The following CYP4F11 variants were observed in gnomAD, a reference collection of about 807,000 sequenced individuals.
CYP4F11 encodes the protein cytochrome P450 family 4 subfamily F member 11, also known as cytochrome P450 4F11.
In CYP4F11, 79 loss-of-function variants were observed where a neutral mutation model predicts 62.2. The observed-to-expected ratio is 1.27, with a 90% CI of 1.06 to 1.53. The LOEUF (loss-of-function observed/expected upper bound fraction) is 1.53. CYP4F11 is among the 40% of genes most tolerant of loss of function. The pLI, the probability that CYP4F11 is intolerant of heterozygous loss-of-function variation, is 0.00. For missense variants in CYP4F11, 777 were observed against 680.5 expected (o/e 1.14, Z -1.58); for synonymous variants, 290 against 263.7 (o/e 1.10, Z -0.97).
chr19:15,917,336 G>A (rs1229026450), intron 8 of CYP4F11, among the ~76,000 whole-genome samples: 1 of 152,088 alleles, frequency 6.6e-6, no homozygotes, highest in Non-Finnish European at 1.5e-5. Context: ...CACTGTTTAG[G>A]AGACAGGTGC....
At chr19:15,926,964 T>G (rs754463172) in intron 4 of CYP4F11, among the ~76,000 whole-genome samples, 1 of 152,226 alleles carries the variant, frequency 6.6e-6, no homozygotes, top group Non-Finnish European at 1.5e-5. Flanking sequence ...TTTACTCTCT[T>G]GAGTTTGAAG....
intron 4 of CYP4F11, among the ~76,000 whole-genome samples, chr19:15,925,087 G>A (rs1237042853): frequency 6.6e-6 from 1 of 152,112 alleles, no homozygotes; most frequent in Non-Finnish European, 1.5e-5. Context: ...CGAGAGATCT[G>A]GGTTCAAGTC....
intron 10 of CYP4F11, 100 bp downstream of exon 10, chr19:15,914,502 T>G (rs12985248): frequency 0.44 from 678,833 of 1,543,590 alleles, 156,062 homozygotes; most frequent in Non-Finnish European, 0.47. Context: ...GTGTCTCCAT[T>G]GAGGAGAGGT....
At chr19:15,914,702 C>A (rs1461601119) in intron 9 of CYP4F11, 36 bp from the exon 10 acceptor site, 2 of 1,613,906 alleles carry the variant, frequency 1.2e-6, no homozygotes, top group Non-Finnish European at 1.7e-6. Flanking sequence ...GACAAGGCCC[C>A]CCTGCCTGAG....
chr19:15,914,381 C>G lies in CYP4F11; in HGVS notation c.1321G>C (p.Asp441His). 2 of 1,613,758 alleles carry G rather than the reference C, an allele frequency of 1.2e-6. No homozygotes were observed. The highest frequency in any genetic ancestry group is 1.7e-6 in the Non-Finnish European group (2 of 1,179,798). ...PTVWPDPEVY[D>H]PFRFDQENIK... ...TTCTCTTGGTCGAAACGGAAGGGGT[C>G]GTAGACCTGCAGGTGAGACCAAGAA... Residue 441 changes from aspartate (D) to histidine (H), a missense_variant, in exon 11 of 12, where the codon GAC (aspartate) becomes CAC (histidine). Transcript: ENST00000402119.
intron 1 of CYP4F11, among the ~76,000 whole-genome samples, chr19:15,930,981 T>C (rs1056845595): frequency 6.6e-6 from 1 of 152,254 alleles, no homozygotes. Context: ...GCCCATCAAT[T>C]TTGCCATTTA....
rs1277293395 is a variant in CYP4F11, at chr19:15,914,188, T to C, written c.1397+117A>G. On this transcript the variant is annotated intron_variant, in intron 11 of 11. Transcript: ENST00000402119. ...AACCCATTCTGTGAACAGTTGCCCATGAACTCCTGAGGAAGGGAGGGAAGG... is the reference window on the plus strand; with the variant it reads ...AACCCATTCTGTGAACAGTTGCCCACGAACTCCTGAGGAAGGGAGGGAAGG... The C allele has an allele frequency of 3.8e-6, 5 of 1,324,464 alleles. No individual in the cohort carries two copies. The African/African-American group carries it at 4.4e-5, about 12-fold the overall frequency. The allele number at this position is 1,324,464 out of a possible 1,614,324, so 82.0% of individuals were successfully genotyped here. A position where few individuals can be genotyped will look rare whatever the true frequency, so the allele number is the denominator to read the frequency against.
At position 15,912,668 on chromosome 19, in the gene CYP4F11, G is replaced by GAAAAAAATA; in HGVS notation, c.*1063_*1064insTATTTTTTT. On this transcript the variant is annotated 3_prime_UTR_variant, in exon 12 of 12. Coordinates refer to ENST00000402119, the MANE Select transcript of CYP4F11 (RefSeq NM_021187.4). ...AGTCAGGTACCTTCACCATCCTCAG[G>GAAAAAAATA]AAAAAAAAAAAAATATATATATATA... 1 of 59,768 alleles carries GAAAAAAATA rather than the reference G, an allele frequency of 1.7e-5. No homozygotes were observed. Among genetic ancestry groups the GAAAAAAATA allele is most frequent in the South Asian group, 6.3e-4 (1 of 1,580 alleles). The allele number at this position is 59,768 out of a possible 1,614,324, so 3.7% of individuals were successfully genotyped here.
At chr19:15,916,354 A>G (rs1236459321) in intron 8 of CYP4F11, among the ~76,000 whole-genome samples, 1 of 152,054 alleles carries the variant, frequency 6.6e-6, no homozygotes, top group Non-Finnish European at 1.5e-5. Flanking sequence ...GAGAAAAGCA[A>G]GTCGGCTTAG....
chr19:15,917,045 G>A (rs1187130646), intron 8 of CYP4F11, among the ~76,000 whole-genome samples: 3 of 152,088 alleles, frequency 2.0e-5, no homozygotes, highest in Non-Finnish European at 4.4e-5. Flanking sequence ...ACAAATGAGT[G>A]GATAAAGAAA....
In CYP4F11 at chr19:15,927,262, T is replaced by A; in HGVS notation, c.475A>T (p.Ile159Phe). 2 of 1,614,130 alleles carry A rather than the reference T, an allele frequency of 1.2e-6. No individual in the cohort carries two copies. Among genetic ancestry groups the A allele is most frequent in the Non-Finnish European group, 8.5e-7 (1 of 1,180,020 alleles). ...AAAATCTTCATATAAGGCTTCAAGA[T>A]GTTGAAATGGAAGGCAGGCGTCAAC... ...RMLTPAFHFN[I>F]LKPYMKIFNK... The change falls in exon 4 of 12, where the codon ATC (isoleucine) becomes TTC (phenylalanine). Residue 159 changes from isoleucine (I) to phenylalanine (F), a missense_variant. Ile to Phe is a conservative substitution (Grantham distance 21). Transcript: ENST00000402119.
chr19:15,922,691 T>G (rs528814769), intron 6 of CYP4F11, among the ~76,000 whole-genome samples: 1 of 152,180 alleles, frequency 6.6e-6, no homozygotes, highest in Non-Finnish European at 1.5e-5. Context: ...ATGAGGACTT[T>G]TGGAGTAAAG....
Position 15,923,878 on chromosome 19 carries a change from A to C in CYP4F11, c.852T>G (p.Asp284Glu), listed in dbSNP as rs148545369. ...ACTTTGCCTTGTTCTTGAGGAAATC[A>C]TCAATACCCTGAGTGGGGAGGGTGC... ...RRCTLPTQGIDDFLKNKAKSK... is the reference protein window; with the variant it reads ...RRCTLPTQGIEDFLKNKAKSK... The change falls in exon 6 of 12, where the codon GAT (aspartate) becomes GAG (glutamate). Residue 284 changes from aspartate (D) to glutamate (E), a missense_variant. Asp to Glu is a conservative substitution (Grantham distance 45). Coordinates refer to ENST00000402119, the MANE Select transcript of CYP4F11 (RefSeq NM_021187.4). The C allele has an allele frequency of 5.6e-6, 9 of 1,614,094 alleles. No individual in the cohort carries two copies. The highest frequency in any genetic ancestry group is 1.6e-4 in the Middle Eastern group (1 of 6,084).
chr19:15,913,867 C>G lies in CYP4F11; in HGVS notation c.1440G>C (p.Val480=). The part of the protein sequence containing the change: ...GQAFAMAEMK[V]VLALTLLHFR... ...AGTGCAGCAGGGTGAGCGCCAGGAC[C>G]ACCTTCATCTCAGCCATGGCGAACG... Residue 480 remains valine, a synonymous_variant, in exon 12 of 12, where the codon GTG becomes GTC. Transcript: ENST00000402119. The G allele has an allele frequency of 1.2e-6, 2 of 1,614,134 alleles. No individual in the cohort carries two copies. The highest frequency in any genetic ancestry group is 1.7e-6 in the Non-Finnish European group (2 of 1,180,002).
chr19:15,912,805 T>TATATATATACAC lies in CYP4F11; in HGVS notation c.*926_*927insGTGTATATATAT, dbSNP rs1183276800. 6 of 101,250 alleles carry TATATATATACAC rather than the reference T, an allele frequency of 5.9e-5. No homozygotes were observed. Among genetic ancestry groups the TATATATATACAC allele is most frequent in the African/African-American group, 1.7e-4 (4 of 23,390 alleles). 6.3% of individuals were successfully genotyped at this position (101,250 alleles called of 1,614,324 possible). A position where few individuals can be genotyped will look rare whatever the true frequency, so the allele number is the denominator to read the frequency against. Reference sequence around the variant, plus strand: ...TATATATATAATATATATATATATATACATATCTTATATGCACAGCCCTCT... The same window carrying TATATATATACAC: ...TATATATATAATATATATATATATATATATATATACACACATATCTTATATGCACAGCCCTCT... On this transcript the variant is annotated 3_prime_UTR_variant, in exon 12 of 12. Coordinates refer to ENST00000402119, the MANE Select transcript of CYP4F11 (RefSeq NM_021187.4).
At chr19:15,934,076 G>A in intron 1 of CYP4F11, 135 bp downstream of exon 1, 1 of 777,192 alleles carries the variant, frequency 1.3e-6, no homozygotes, top group South Asian at 1.8e-5. Context: ...AGAGGAATGA[G>A]TGAGCTGCCT....
intron 4 of CYP4F11, 77 bp downstream of exon 4, chr19:15,927,135 C>T: frequency 6.5e-7 from 1 of 1,540,736 alleles, no homozygotes; most frequent in Non-Finnish European, 8.8e-7. Flanking sequence ...AAAGCACAAC[C>T]AAAATTCCAG....
intron 2 of CYP4F11, chr19:15,927,903 G>A (rs2089682792): frequency 5.4e-6 from 1 of 183,880 alleles, no homozygotes; most frequent in African/African-American, 2.3e-5. Context: ...AAACACATAT[G>A]ACAAACCCTA....
At chr19:15,923,254 T>C (rs572577042) in intron 6 of CYP4F11, among the ~76,000 whole-genome samples, 1 of 150,988 alleles carries the variant, frequency 6.6e-6, no homozygotes, top group Non-Finnish European at 1.5e-5. Context: ...TCTCTCTCTC[T>C]CTCTCTCTCT....
Sources: gnomAD v4.1 joint callset for allele counts (sites outside exome capture counted in the v4.1 genomes callset) on GRCh38, gnomAD v4.1.1 for gene constraint, MANE v1.5 for transcripts, NCBI Gene and HGNC (gene_info 2026-07-23, HGNC 2026-07-21) for gene names.